ZBTB20: variants seen among roughly 807,000 people sequenced by gnomAD.
ZBTB20 encodes the protein zinc finger and BTB domain containing 20, also known as zinc finger and BTB domain-containing protein 20.
ZBTB20 carries 9 observed loss-of-function variants against 56.9 expected under a neutral mutation model. That is an observed-to-expected ratio of 0.16 (90% CI 0.10 to 0.28). The LOEUF is 0.28. Among genes scored for constraint, ZBTB20 ranks in the 10% least tolerant of loss-of-function variants. ZBTB20 has a pLI of 1.00. For missense variants in ZBTB20, 655 were observed against 1,003.0 expected, an observed-to-expected ratio of 0.65 and a Z score of 4.69; for synonymous variants, 417 against 420.7, an observed-to-expected ratio of 0.99 and a Z score of 0.11.
intron 5 of ZBTB20, among the ~76,000 whole-genome samples, chr3:114,787,356 TATATATATATATAC>T (rs1183191094): frequency 2.1e-5 from 2 of 97,470 alleles, no homozygotes; most frequent in African/African-American, 4.5e-5. Flanking sequence ...TATATATATA[TATATATATATATAC>T]ACACACACAC....
At chr3:114,956,405 T>C (rs928957919) in intron 3 of ZBTB20, among the ~76,000 whole-genome samples, 1 of 152,186 alleles carries the variant, frequency 6.6e-6, no homozygotes, top group African/African-American at 2.4e-5. Context: ...TGACTTAGAC[T>C]TTAAGACAGC....
At chr3:115,011,789 A>G (rs2079725054) in intron 2 of ZBTB20, among the ~76,000 whole-genome samples, 1 of 151,894 alleles carries the variant, frequency 6.6e-6, no homozygotes, top group Non-Finnish European at 1.5e-5. Flanking sequence ...TGCAGTGTAT[A>G]AACTGCTATC....
intron 3 of ZBTB20, among the ~76,000 whole-genome samples, chr3:114,923,550 G>T (rs958652453): frequency 2.0e-5 from 3 of 152,070 alleles, no homozygotes; most frequent in Non-Finnish European, 4.4e-5. Context: ...TCCTTGTCTT[G>T]CACTGTACAC....
At chr3:114,942,309 G>A (rs1231860011) in intron 3 of ZBTB20, among the ~76,000 whole-genome samples, 1 of 145,470 alleles carries the variant, frequency 6.9e-6, no homozygotes, top group Non-Finnish European at 1.5e-5. Flanking sequence ...TATAGTTTTG[G>A]CTAGAGAAAT....
chr3:114,696,989 AT>A (rs1014742838), intron 5 of ZBTB20, among the ~76,000 whole-genome samples: 1 of 151,502 alleles, frequency 6.6e-6, no homozygotes, highest in Non-Finnish European at 1.5e-5. Flanking sequence ...GGAAGTCTGA[AT>A]TAACTGTCTC....
At chr3:114,541,758 C>A (rs1394147016) in intron 6 of ZBTB20, among the ~76,000 whole-genome samples, 2 of 152,096 alleles carry the variant, frequency 1.3e-5, no homozygotes, top group African/African-American at 4.8e-5. Context: ...GTGCATCTAG[C>A]AGAACAAGCA....
intron 2 of ZBTB20, among the ~76,000 whole-genome samples, chr3:115,007,858 T>C (rs1231207574): frequency 6.6e-6 from 1 of 151,904 alleles, no homozygotes; most frequent in African/African-American, 2.4e-5. Context: ...ATATCTCAGA[T>C]GTTTTGACAT....
intron 1 of ZBTB20, among the ~76,000 whole-genome samples, chr3:115,099,765 C>T (rs928613909): frequency 1.3e-5 from 2 of 152,004 alleles, no homozygotes; most frequent in Non-Finnish European, 1.5e-5. Flanking sequence ...CTAACAAAAC[C>T]GAGTTAGCAA....
chr3:114,748,322 C>CTTTCTTTCT lies in ZBTB20; in HGVS notation c.-343+52770_-343+52778dup, dbSNP rs775696247. On this transcript the variant is annotated intron_variant, in intron 5 of 11. Coordinates refer to ENST00000675478, the MANE Select transcript of ZBTB20 (RefSeq NM_001348800.3). ...TCTTTCTTTCTTTCTTTCTTTCTTT[C>CTTTCTTTCT]TTTCTTTCTTTCTTCTTTCTTTCTT... Among the ~76,000 whole-genome samples the CTTTCTTTCT allele has an allele frequency of 1.5e-3, 177 of 114,264 alleles. 2 individuals carry two copies. The highest frequency in any genetic ancestry group is 9.0e-3 in the South Asian group (30 of 3,322). 75.0% of individuals were successfully genotyped at this position (114,264 alleles called of 152,430 possible). A position where few individuals can be genotyped will look rare whatever the true frequency, so the allele number is the denominator to read the frequency against.
At chr3:114,401,122 C>G (rs113729480) in intron 7 of ZBTB20, among the ~76,000 whole-genome samples, 4,372 of 65,878 alleles carry the variant, frequency 0.066, 109 homozygotes, top group Non-Finnish European at 0.078. Flanking sequence ...ACACACACTA[C>G]TCCCAATGCT....
chr3:114,476,694 C>T (rs1205272188), intron 7 of ZBTB20, among the ~76,000 whole-genome samples: 2 of 152,180 alleles, frequency 1.3e-5, no homozygotes, highest in African/African-American at 2.4e-5. Context: ...AAGGCAGAGC[C>T]CTCATGACTG....
At chr3:114,800,950 T>A (rs1419578062) in intron 5 of ZBTB20, among the ~76,000 whole-genome samples, 151 bp downstream of exon 5, 1 of 151,624 alleles carries the variant, frequency 6.6e-6, no homozygotes, top group Non-Finnish European at 1.5e-5. Context: ...CCAACAACTT[T>A]TTTTTTTTAA....
At chr3:114,852,846 G>C (rs915923014) in intron 4 of ZBTB20, among the ~76,000 whole-genome samples, 2 of 152,054 alleles carry the variant, frequency 1.3e-5, no homozygotes, top group South Asian at 2.1e-4. Flanking sequence ...AGGACTTCAG[G>C]GAGTTTCTTT....
At chr3:115,036,710 G>A (rs1345161507) in intron 2 of ZBTB20, among the ~76,000 whole-genome samples, 2 of 152,204 alleles carry the variant, frequency 1.3e-5, no homozygotes, top group Admixed American at 1.3e-4. Context: ...GCAGCGCCCG[G>A]CCACTTTGTG....
chr3:114,733,357 G>T (rs1454288499), intron 5 of ZBTB20, among the ~76,000 whole-genome samples: 2 of 152,150 alleles, frequency 1.3e-5, no homozygotes, highest in African/African-American at 4.8e-5. Context: ...TGCAGAGTGT[G>T]CCTGCTTCTG....
intron 7 of ZBTB20, among the ~76,000 whole-genome samples, chr3:114,469,399 G>A (rs1487398596): frequency 6.6e-6 from 1 of 152,120 alleles, no homozygotes. Context: ...ATTTCACAAA[G>A]AAACATGCTT....
chr3:114,956,935 T>C lies in ZBTB20; in HGVS notation c.-456+17431A>G, dbSNP rs149028262. 1.8e-4 allele frequency among the ~76,000 whole-genome samples: 28 copies of C among 152,252 alleles called. 1 individual carries two copies. The East Asian group carries it at 4.8e-3, about 26-fold the overall frequency. On this transcript the variant is annotated intron_variant, in intron 3 of 11. Coordinates refer to ENST00000675478, the MANE Select transcript of ZBTB20 (RefSeq NM_001348800.3). ...AACAATGTACACTGTTCCAGCAACA[T>C]AGAGGCAGCTTTGAGCCTTTGGATC...
Position 114,379,364 on chromosome 3 carries a change from C to T in ZBTB20, c.199+853G>A, listed in dbSNP as rs190777958. 1.4e-3 allele frequency among the ~76,000 whole-genome samples: 215 copies of T among 152,264 alleles called. 1 individual carries two copies. Among genetic ancestry groups the T allele is most frequent in the Non-Finnish European group, 8.1e-4 (55 of 68,020 alleles). ...ACTAAAAGGAATATTCTTTTGGATT[C>T]GACTCCAAAGTTATTTCATTCCTTT... is the stretch of plus-strand genomic sequence containing the variant. On this transcript the variant is annotated intron_variant, in intron 10 of 11. Transcript: ENST00000675478.
At chr3:114,549,182 T>C (rs1323773151) in intron 6 of ZBTB20, among the ~76,000 whole-genome samples, 6 of 152,220 alleles carry the variant, frequency 3.9e-5, no homozygotes, top group Non-Finnish European at 8.8e-5. Context: ...AAGAGTATTT[T>C]ATGTGCTCAT....
Sources: allele counts gnomAD v4.1 joint callset (sites outside exome capture counted in the v4.1 genomes callset), GRCh38; gene constraint gnomAD v4.1.1; transcripts MANE v1.5; gene names NCBI Gene and HGNC (gene_info 2026-07-23, HGNC 2026-07-21).